The following ULK2 variants were observed in gnomAD, a reference collection of about 807,000 sequenced individuals.
ULK2 encodes the protein unc-51 like autophagy activating kinase 2, also known as serine/threonine-protein kinase ULK2.
Under a neutral mutation model 127.5 loss-of-function variants are expected in ULK2, and 76 were observed. The observed-to-expected ratio is 0.60, with a 90% confidence interval of 0.50 to 0.72. The LOEUF is 0.72. Among genes scored for constraint, ULK2 ranks in the 30% least tolerant of loss-of-function variants. ULK2 has a pLI of 0.00. For missense variants in ULK2, 1,144 were observed against 1,295.9 expected (o/e 0.88, Z 1.80); for synonymous variants, 452 against 461.9 (o/e 0.98, Z 0.28).
At chr17:19,840,218 G>C in intron 9 of ULK2, 4 of 502,716 alleles carry the variant, frequency 8.0e-6, no homozygotes, top group Non-Finnish European at 1.2e-5. Context: ...ACACCCGACG[G>C]GCGCAAGTTG....
At chr17:19,857,413 TGTACA>T (rs1597821077) in intron 3 of ULK2, among the ~76,000 whole-genome samples, 1 of 152,316 alleles carries the variant, frequency 6.6e-6, no homozygotes, top group East Asian at 1.9e-4. Context: ...TCCCTTGGAT[TGTACA>T]GTCATTTAAA....
intron 3 of ULK2, among the ~76,000 whole-genome samples, chr17:19,857,174 C>T (rs1006917349): frequency 3.4e-5 from 5 of 148,170 alleles, no homozygotes; most frequent in African/African-American, 1.0e-4. Flanking sequence ...GGTGTGGTGG[C>T]GGGGCGCCTG....
chr17:19,858,563 T>C (rs1007266408), intron 3 of ULK2, among the ~76,000 whole-genome samples: 1 of 151,362 alleles, frequency 6.6e-6, no homozygotes, highest in Admixed American at 6.6e-5. Flanking sequence ...AATAAACCAG[T>C]AAGAAAAATG....
rs1346378513 is a variant in ULK2, at chr17:19,778,491, T to A, written c.2917-775A>T. Among the ~76,000 whole-genome samples the A allele has an allele frequency of 2.0e-5, 3 of 152,218 alleles. No homozygotes were observed. In the East Asian group the frequency reaches 5.8e-4, roughly 29 times the overall value. On this transcript the variant is annotated intron_variant, in intron 25 of 26. Transcript: ENST00000395544. ...CAGAAAGAGGGGATGGTAGCATTAT[T>A]CACAGGGGTTTCCCCATCGACATTC...
At chr17:19,815,049 T>C (rs2040951285) in intron 13 of ULK2, among the ~76,000 whole-genome samples, 1 of 152,196 alleles carries the variant, frequency 6.6e-6, no homozygotes, top group East Asian at 1.9e-4. Flanking sequence ...TTGGGCATCA[T>C]GCTGGCACTC....
intron 8 of ULK2, among the ~76,000 whole-genome samples, chr17:19,841,917 C>G (rs989986624): frequency 6.6e-6 from 1 of 152,052 alleles, no homozygotes; most frequent in African/African-American, 2.4e-5. Flanking sequence ...TGAGAGGAGC[C>G]TGAAACTTAG....
In ULK2 at chr17:19,783,741, T is replaced by G. The variant is rs377670804; in HGVS notation, c.2416A>C (p.Ile806Leu). The G allele has an allele frequency of 6.3e-7, 1 of 1,593,562 alleles. No homozygotes were observed. Among genetic ancestry groups the G allele is most frequent in the African/African-American group, 1.3e-5 (1 of 74,220 alleles). The change falls in exon 22 of 27, where the codon ATC becomes CTC. Residue 806 changes from isoleucine (I) to leucine (L), a missense_variant. By Grantham distance (5) the Ile-to-Leu change is conservative. This residue lies in a region of ULK2 where 913 missense variants were observed against 970.5 expected (regional missense o/e 0.94). Transcript: ENST00000395544. ...GGCAGTTCAGGGGCTTCAAAGGTGA[T>G]GAGCCCCTCTAGGCTGGGGGGTGAA... ...GASPPSLEGLITFEAPELPEE... is the reference protein window; with the variant it reads ...GASPPSLEGLLTFEAPELPEE...
intron 12 of ULK2, among the ~76,000 whole-genome samples, chr17:19,818,903 C>T (rs1233284199): frequency 1.4e-5 from 2 of 147,824 alleles, no homozygotes; most frequent in East Asian, 2.0e-4. Flanking sequence ...CAGGTTCAAG[C>T]GATTCTCCTG....
In ULK2 at chr17:19,814,438, ATTTTTTTTTTTTT is replaced by A. The variant is rs1187090319; in HGVS notation, c.1096+2298_1096+2310del. On this transcript the variant is annotated intron_variant, in intron 13 of 26. Coordinates refer to ENST00000395544, the MANE Select transcript of ULK2 (RefSeq NM_014683.4). ...TATATATATATATATATATATATATATTTTTTTTTTTTTTTTTTTTTTTTTGGAGACAGGGTCT... is the reference window on the plus strand; with the variant it reads ...TATATATATATATATATATATATATATTTTTTTTTTTTGGAGACAGGGTCT... Among the ~76,000 whole-genome samples the A allele has an allele frequency of 8.1e-4, 19 of 23,332 alleles. 1 individual carries two copies. The highest frequency in any genetic ancestry group is 3.6e-3 in the African/African-American group (19 of 5,314). 15.3% of individuals were successfully genotyped at this position (23,332 alleles called of 152,430 possible).
intron 9 of ULK2, chr17:19,840,526 G>A: frequency 2.3e-6 from 1 of 426,040 alleles, no homozygotes; most frequent in Admixed American, 2.9e-5. Flanking sequence ...GTCTGTCAAT[G>A]ATGACTATAT....
intron 22 of ULK2, 55 bp from the exon 23 acceptor site, chr17:19,782,122 T>C (rs985935678): frequency 6.5e-7 from 1 of 1,537,510 alleles, no homozygotes; most frequent in Non-Finnish European, 8.9e-7. Context: ...ACGTACATAC[T>C]CATTTCTGTA....
At chr17:19,823,070 C>T (rs1166596934) in intron 12 of ULK2, among the ~76,000 whole-genome samples, 3 of 147,982 alleles carry the variant, frequency 2.0e-5, no homozygotes, top group Non-Finnish European at 4.4e-5. Context: ...AAGCAATCCT[C>T]CCATTTCAGC....
rs2086746444 is a variant in ULK2 at position 19,772,289 on chromosome 17, T to C, written c.*4060A>G. ...GTCAGCTTTCCCGTATGCAGTGTTT[T>C]TCTAGGTGGATTGTTTCTGATGTGG... On this transcript the variant is annotated 3_prime_UTR_variant, in exon 27 of 27. Transcript: ENST00000395544. 1 of 152,282 alleles carries C rather than the reference T, an allele frequency of 6.6e-6. No individual in the cohort carries two copies. Among genetic ancestry groups the C allele is most frequent in the African/African-American group, 2.4e-5 (1 of 41,472 alleles). The allele number at this position is 152,282 out of a possible 1,614,324, so 9.4% of individuals were successfully genotyped here.
At chr17:19,839,504 A>T (rs2041683493) in intron 9 of ULK2, among the ~76,000 whole-genome samples, 2 of 148,918 alleles carry the variant, frequency 1.3e-5, no homozygotes, top group Non-Finnish European at 2.9e-5. Flanking sequence ...GTCTCCACTA[A>T]AAATACAAAA....
chr17:19,809,888 G>C (rs1202736727), intron 14 of ULK2, among the ~76,000 whole-genome samples: 10 of 151,936 alleles, frequency 6.6e-5, no homozygotes, highest in African/African-American at 2.4e-4. Context: ...CTGGGCCACA[G>C]AGCAAGACTC....
chr17:19,822,779 C>T (rs1004659982), intron 12 of ULK2, among the ~76,000 whole-genome samples: 34 of 151,960 alleles, frequency 2.2e-4, no homozygotes, highest in Non-Finnish European at 2.4e-4. Flanking sequence ...CTCCGCCTCC[C>T]GGGTTCAAGC....
intron 20 of ULK2, among the ~76,000 whole-genome samples, chr17:19,794,231 A>G (rs761261776): frequency 4.6e-5 from 7 of 152,154 alleles, no homozygotes; most frequent in Admixed American, 6.5e-5. Flanking sequence ...ACTAAGAACA[A>G]TGGAGCCAGT....
chr17:19,811,747 T>G (rs1251285289), intron 13 of ULK2, among the ~76,000 whole-genome samples: 1 of 152,148 alleles, frequency 6.6e-6, no homozygotes, highest in Non-Finnish European at 1.5e-5. Flanking sequence ...TGGCCTCAAG[T>G]TAACTTTGAA....
intron 1 of ULK2, 68 bp downstream of exon 1, chr17:19,867,260 C>G: frequency 7.6e-7 from 1 of 1,308,286 alleles, no homozygotes; most frequent in Non-Finnish European, 1.0e-6. Context: ...GCGGCTGCGC[C>G]AAGTTTCAGA....
Sources: gnomAD v4.1 joint callset for allele counts (sites outside exome capture counted in the v4.1 genomes callset) on GRCh38, gnomAD v4.1.1 for gene constraint, gnomAD v4.1.1 regional missense constraint, MANE v1.5 for transcripts, NCBI Gene and HGNC (gene_info 2026-07-23, HGNC 2026-07-21) for gene names.